The following RB1 variants were observed in gnomAD, a reference collection of about 807,000 sequenced individuals.
The protein encoded by RB1 is RB transcriptional corepressor 1, also known as retinoblastoma-associated protein.
A neutral mutation model predicts 135.4 loss-of-function variants in RB1; 18 were observed. The ratio of observed to expected loss-of-function variants is 0.13; its 90% CI spans 0.09 to 0.20. The LOEUF is 0.20. RB1 is among the 10% of genes least tolerant of loss of function. The pLI is 1.00. For missense variants in RB1, 868 were observed against 1,110.0 expected, an observed-to-expected ratio of 0.78 and a Z score of 3.10; for synonymous variants, 365 against 373.2, an observed-to-expected ratio of 0.98 and a Z score of 0.25.
chr13:48,433,954 A>G (rs745894229), intron 17 of RB1, among the ~76,000 whole-genome samples: 3 of 151,518 alleles, frequency 2.0e-5, no homozygotes, highest in Non-Finnish European at 4.4e-5. Flanking sequence ...GAACTCCTGG[A>G]CTCAAGTTAT....
At position 48,465,872 on chromosome 13, in the gene RB1, C is replaced by T. The variant is rs1202242852; in HGVS notation, c.2489+504C>T. ...GACCGGCTTAAGAAACGGCGCACCACGAGACTATATCCCACACCTGGCTCA... is the reference window on the plus strand; with the variant it reads ...GACCGGCTTAAGAAACGGCGCACCATGAGACTATATCCCACACCTGGCTCA... On this transcript the variant is annotated intron_variant, in intron 23 of 26. Coordinates refer to ENST00000267163, the MANE Select transcript of RB1 (RefSeq NM_000321.3). 3.3e-5 allele frequency among the ~76,000 whole-genome samples: 5 copies of T among 150,278 alleles called. No homozygotes were observed. The East Asian group carries it at 9.9e-4, about 30-fold the overall frequency.
chr13:48,418,294 G>T (rs1216626677), intron 17 of RB1, among the ~76,000 whole-genome samples: 1 of 152,098 alleles, frequency 6.6e-6, no homozygotes, highest in African/African-American at 2.4e-5. Context: ...CTTCATAAGT[G>T]AATGAGAAAT....
At chr13:48,457,458 A>G (rs150269347) in intron 19 of RB1, among the ~76,000 whole-genome samples, 6 of 152,282 alleles carry the variant, frequency 3.9e-5, no homozygotes, top group Admixed American at 1.3e-4. Flanking sequence ...CGATTGGTAC[A>G]TGGGCGGCCA....
chr13:48,323,893 A>G (rs568795894), intron 2 of RB1, among the ~76,000 whole-genome samples: 3 of 152,154 alleles, frequency 2.0e-5, no homozygotes, highest in African/African-American at 7.2e-5. Context: ...TCATGATAGC[A>G]TGCATTTTGG....
At chr13:48,378,583 T>TC (rs1260980924) in intron 13 of RB1, among the ~76,000 whole-genome samples, 1 of 151,358 alleles carries the variant, frequency 6.6e-6, no homozygotes, top group East Asian at 1.9e-4. Context: ...CATTTAACTT[T>TC]TTTTTTTTTT....
intron 17 of RB1, among the ~76,000 whole-genome samples, chr13:48,437,640 A>AT (rs924933419): frequency 2.6e-5 from 4 of 151,702 alleles, no homozygotes; most frequent in African/African-American, 7.3e-5. Flanking sequence ...CAGGGGCTTC[A>AT]TTTTTTTTGC....
chr13:48,457,517 A>T (rs1949368213), intron 19 of RB1, among the ~76,000 whole-genome samples: 1 of 152,124 alleles, frequency 6.6e-6, no homozygotes, highest in South Asian at 2.1e-4. Flanking sequence ...TGTCCGTGGG[A>T]CTGGCAGCGC....
At chr13:48,430,836 G>T (rs1285124444) in intron 17 of RB1, among the ~76,000 whole-genome samples, 1 of 152,090 alleles carries the variant, frequency 6.6e-6, no homozygotes, top group Non-Finnish European at 1.5e-5. Flanking sequence ...GAAGCAGAAG[G>T]ATTGATTTCT....
Position 48,319,867 on chromosome 13 carries a change from T to A in RB1, c.264+12461T>A. On this transcript the variant is annotated intron_variant, in intron 2 of 26. Coordinates refer to ENST00000267163, the MANE Select transcript of RB1 (RefSeq NM_000321.3). This position sits in a 1 kb window ranked among gnomAD's most constrained non-coding sequence, Gnocchi z 5.0. ...CGCTCTGACCGGGAAGGCAGAACCC[T>A]AGTCCTCACTGGATCTCACCTGGCT... is the stretch of plus-strand genomic sequence containing the variant. 9.0e-6 allele frequency: 3 copies of A among 334,982 alleles called. No homozygotes were observed. The highest frequency in any genetic ancestry group is 7.3e-5 in the East Asian group (1 of 13,640). The allele number at this position is 334,982 out of a possible 1,614,324, so 20.8% of individuals were successfully genotyped here. A position where few individuals can be genotyped will look rare whatever the true frequency, so the allele number is the denominator to read the frequency against.
At chr13:48,453,560 G>T (rs1949342059) in intron 18 of RB1, among the ~76,000 whole-genome samples, 1 of 152,154 alleles carries the variant, frequency 6.6e-6, no homozygotes, top group South Asian at 2.1e-4. Context: ...CAGTTGATTA[G>T]TGTGTGCTGG....
intron 23 of RB1, 40 bp from the exon 24 acceptor site, chr13:48,473,320 G>GT: frequency 6.6e-7 from 1 of 1,509,868 alleles, no homozygotes; most frequent in Non-Finnish European, 9.2e-7. Context: ...ATTGTATATG[G>GT]TTTTTTATTA....
At chr13:48,320,837 G>GA (rs531135502) in intron 2 of RB1, among the ~76,000 whole-genome samples, 4,510 of 108,836 alleles carry the variant, frequency 0.041, 185 homozygotes, top group East Asian at 0.15. Flanking sequence ...TCTCAAAAAA[G>GA]AAAAAAAAAA....
At chr13:48,433,959 A>G (rs1168899975) in intron 17 of RB1, among the ~76,000 whole-genome samples, 1 of 151,774 alleles carries the variant, frequency 6.6e-6, no homozygotes. Context: ...CCTGGACTCA[A>G]GTTATTCTCC....
chr13:48,465,027 G>T lies in RB1; in HGVS notation c.2241G>T (p.Glu747Asp), dbSNP rs750057315. ...TCAAACGTGTTTTGATCAAAGAAGA[G>T]GAGTATGATTCTATTATAGTATTCT... is the stretch of plus-strand genomic sequence containing the variant. ...ETFKRVLIKE[E>D]EYDSIIVFYN... Residue 747 changes from glutamate (E) to aspartate (D), a missense_variant, in exon 22 of 27, where the codon GAG becomes GAT. By Grantham distance (45) the Glu-to-Asp change is conservative. Coordinates refer to ENST00000267163, the MANE Select transcript of RB1 (RefSeq NM_000321.3). 6.3e-7 allele frequency: 1 copy of T among 1,590,738 alleles called. No homozygotes were observed.
chr13:48,425,012 C>T (rs950574045), intron 17 of RB1, among the ~76,000 whole-genome samples: 1 of 151,768 alleles, frequency 6.6e-6, no homozygotes, highest in Admixed American at 6.6e-5. Flanking sequence ...GAGATCATGC[C>T]ACTGCACTCC....
At chr13:48,466,556 G>C (rs1456857701) in intron 23 of RB1, among the ~76,000 whole-genome samples, 1 of 152,148 alleles carries the variant, frequency 6.6e-6, no homozygotes, top group Non-Finnish European at 1.5e-5. Flanking sequence ...AAGTTGGACG[G>C]AGAATGACTT....
chr13:48,342,858 T>A, intron 3 of RB1, 144 bp downstream of exon 3: 1 of 631,818 alleles, frequency 1.6e-6, no homozygotes, highest in South Asian at 1.8e-5. Flanking sequence ...TGAACTGCCA[T>A]TCTCTCATGG....
intron 17 of RB1, among the ~76,000 whole-genome samples, chr13:48,450,097 T>A (rs201145279): frequency 0.035 from 5,344 of 151,068 alleles, 266 homozygotes; most frequent in East Asian, 0.13. Context: ...TATATATATT[T>A]TTTTTTTTTT....
chr13:48,436,678 T>C (rs926799285), intron 17 of RB1, among the ~76,000 whole-genome samples: 2 of 151,890 alleles, frequency 1.3e-5, no homozygotes, highest in African/African-American at 4.8e-5. Flanking sequence ...TCAGCCAGCA[T>C]ATGTATTGGC....
Sources: allele counts gnomAD v4.1 joint callset (sites outside exome capture counted in the v4.1 genomes callset), GRCh38; gene constraint gnomAD v4.1.1; non-coding constraint Gnocchi (gnomAD v3.1); transcripts MANE v1.5; gene names NCBI Gene and HGNC (gene_info 2026-07-23, HGNC 2026-07-21).